AMPH: variants seen among roughly 807,000 people sequenced by gnomAD.
The protein encoded by AMPH is amphiphysin.
In AMPH, 49 loss-of-function variants were observed where a neutral mutation model predicts 99.1. The ratio of observed to expected loss-of-function variants is 0.49; its 90% CI spans 0.39 to 0.63. The LOEUF is 0.63. Ranked by LOEUF, AMPH falls within the 20% of genes least tolerant of loss-of-function variation. The pLI, the probability that AMPH is intolerant of heterozygous loss-of-function variation, is 0.00. For synonymous variants in AMPH, 314 were observed against 317.3 expected, an observed-to-expected ratio of 0.99 and a Z score of 0.11; for missense variants, 759 against 863.4, an observed-to-expected ratio of 0.88 and a Z score of 1.52.
intron 17 of AMPH, among the ~76,000 whole-genome samples, chr7:38,406,809 A>T (rs1785023129): frequency 7.6e-6 from 1 of 132,142 alleles, no homozygotes; most frequent in Non-Finnish European, 1.6e-5. Context: ...CCTACTGCCC[A>T]AAACTCAAGG....
At chr7:38,409,407 C>T (rs1052085647) in intron 17 of AMPH, among the ~76,000 whole-genome samples, 3 of 152,160 alleles carry the variant, frequency 2.0e-5, no homozygotes, top group African/African-American at 7.2e-5. Flanking sequence ...TGGACTATGG[C>T]ACAGGCTGGT....
intron 14 of AMPH, among the ~76,000 whole-genome samples, chr7:38,427,495 T>C (rs909619099): frequency 1.3e-4 from 20 of 152,230 alleles, no homozygotes; most frequent in African/African-American, 3.1e-4. Context: ...AGCACATTTT[T>C]AGTACCTGCA....
At chr7:38,505,587 C>T (rs1215251059) in intron 2 of AMPH, among the ~76,000 whole-genome samples, 1 of 152,100 alleles carries the variant, frequency 6.6e-6, no homozygotes, top group Non-Finnish European at 1.5e-5. Context: ...GGCAAACTTC[C>T]ATCAGCTAGA....
At chr7:38,577,027 G>A (rs1339816428) in intron 1 of AMPH, among the ~76,000 whole-genome samples, 3 of 152,154 alleles carry the variant, frequency 2.0e-5, no homozygotes, top group African/African-American at 7.2e-5. Context: ...TTTATATGGG[G>A]TTCTGGTCAA....
At chr7:38,409,604 T>C (rs1457556802) in intron 17 of AMPH, among the ~76,000 whole-genome samples, 1 of 152,154 alleles carries the variant, frequency 6.6e-6, no homozygotes, top group East Asian at 1.9e-4. Flanking sequence ...AATAAAGGAA[T>C]TTAGTGGTGT....
chr7:38,622,448 A>T (rs1794103571), intron 1 of AMPH, among the ~76,000 whole-genome samples: 1 of 93,002 alleles, frequency 1.1e-5, no homozygotes, highest in South Asian at 2.7e-4. Flanking sequence ...TGTATGTATG[A>T]ATACATACAC....
intron 2 of AMPH, among the ~76,000 whole-genome samples, chr7:38,515,694 G>A (rs911723520): frequency 2.6e-5 from 4 of 152,218 alleles, no homozygotes; most frequent in Non-Finnish European, 5.9e-5. Flanking sequence ...ACTGGGTATT[G>A]GGTAGAGGTT....
At chr7:38,454,795 T>C (rs1787167465) in intron 11 of AMPH, among the ~76,000 whole-genome samples, 2 of 152,160 alleles carry the variant, frequency 1.3e-5, no homozygotes, top group South Asian at 4.1e-4. Context: ...GAAGTGCTGG[T>C]GAAGCAACAA....
intron 17 of AMPH, among the ~76,000 whole-genome samples, chr7:38,411,330 C>T (rs61266193): frequency 0.016 from 2,395 of 152,294 alleles, 56 homozygotes; most frequent in African/African-American, 0.054. Context: ...AGGACACACA[C>T]AGTAGTCCTC....
chr7:38,399,548 C>T (rs1784783507), intron 17 of AMPH, among the ~76,000 whole-genome samples: 1 of 152,146 alleles, frequency 6.6e-6, no homozygotes, highest in African/African-American at 2.4e-5. Flanking sequence ...AGTTATACCT[C>T]TTATTATTAT....
chr7:38,436,212 C>T (rs1224279395), intron 12 of AMPH, 60 bp downstream of exon 12: 2 of 1,241,754 alleles, frequency 1.6e-6, no homozygotes, highest in East Asian at 2.3e-5. Context: ...TCATTGGTTA[C>T]CACACTGAGC....
intron 1 of AMPH, 82 bp downstream of exon 1, chr7:38,631,201 C>A (rs990374906): frequency 2.3e-6 from 3 of 1,305,472 alleles, no homozygotes; most frequent in Non-Finnish European, 3.0e-6. Flanking sequence ...GAGGCTCGGG[C>A]CCCGCACAGC....
chr7:38,451,328 CAT>C (rs10595307), intron 11 of AMPH, among the ~76,000 whole-genome samples: 10,725 of 147,690 alleles, frequency 0.073, 896 homozygotes, highest in African/African-American at 0.2. Flanking sequence ...CATATATACA[CAT>C]GTATATATAC....
At chr7:38,405,919 A>C (rs1325524815) in intron 17 of AMPH, among the ~76,000 whole-genome samples, 1 of 152,198 alleles carries the variant, frequency 6.6e-6, no homozygotes, top group African/African-American at 2.4e-5. Flanking sequence ...CAGAATATAC[A>C]ATCTTTTATC....
At chr7:38,496,738 A>G (rs565843331) in intron 3 of AMPH, among the ~76,000 whole-genome samples, 2 of 152,184 alleles carry the variant, frequency 1.3e-5, no homozygotes, top group South Asian at 4.1e-4. Context: ...CAAATTCATA[A>G]CAAGCGTTAG....
At chr7:38,523,239 G>A (rs771575767) in intron 2 of AMPH, among the ~76,000 whole-genome samples, 1 of 152,062 alleles carries the variant, frequency 6.6e-6, no homozygotes, top group African/African-American at 2.4e-5. Context: ...GTATATACAC[G>A]TGTTGTGTGT....
At chr7:38,620,047 G>A (rs566406659) in intron 1 of AMPH, among the ~76,000 whole-genome samples, 4 of 152,076 alleles carry the variant, frequency 2.6e-5, no homozygotes, top group Non-Finnish European at 4.4e-5. Context: ...GACCATCTAC[G>A]CTATTTAAAG....
At chr7:38,420,353 G>A (rs1050059769) in intron 16 of AMPH, among the ~76,000 whole-genome samples, 11 of 152,160 alleles carry the variant, frequency 7.2e-5, no homozygotes, top group African/African-American at 2.2e-4. Context: ...TAGTCCTGTG[G>A]GAATTGTGCC....
chr7:38,410,727 G>C (rs1785190582), intron 17 of AMPH, among the ~76,000 whole-genome samples: 1 of 152,228 alleles, frequency 6.6e-6, no homozygotes, highest in Admixed American at 6.5e-5. Flanking sequence ...TTCACTGGTT[G>C]ACCATGCAGT....
Sources: gnomAD v4.1 joint callset for allele counts (sites outside exome capture counted in the v4.1 genomes callset) on GRCh38, gnomAD v4.1.1 for gene constraint, MANE v1.5 for transcripts, NCBI Gene and HGNC (gene_info 2026-07-23, HGNC 2026-07-21) for gene names.